The following ZHX1 variants were observed in gnomAD, a reference collection of about 807,000 sequenced individuals.
ZHX1 encodes the protein zinc fingers and homeoboxes 1, also known as zinc fingers and homeoboxes protein 1.
ZHX1 carries 20 observed loss-of-function variants against 61.8 expected under a neutral mutation model. That is an observed-to-expected ratio of 0.32 (90% CI 0.23 to 0.47). The LOEUF (loss-of-function observed/expected upper bound fraction) is 0.47. Ranked by LOEUF, ZHX1 falls within the 20% of genes least tolerant of loss-of-function variation. The probability of loss-of-function intolerance (pLI) is 1.00; values close to 1 mark genes in which losing one functional copy is unlikely to be tolerated. For missense variants in ZHX1, 800 were observed against 1,034.8 expected, an observed-to-expected ratio of 0.77 and a Z score of 3.11; for synonymous variants, 318 against 352.6, an observed-to-expected ratio of 0.90 and a Z score of 1.10.
At chr8:123,272,327 AC>A (rs1161434167) in intron 1 of ZHX1, among the ~76,000 whole-genome samples, 1 of 152,222 alleles carries the variant, frequency 6.6e-6, no homozygotes, top group African/African-American at 2.4e-5. Context: ...GAAAAGGTCC[AC>A]GATTATACAT....
At chr8:123,257,236 T>A (rs1431425098) in intron 2 of ZHX1, 1 of 152,266 alleles carries the variant, frequency 6.6e-6, no homozygotes, top group Non-Finnish European at 1.5e-5. Context: ...AACATTATTC[T>A]TAGCACTTGC....
At chr8:123,259,432 A>G (rs1477329924) in intron 2 of ZHX1, among the ~76,000 whole-genome samples, 1 of 152,008 alleles carries the variant, frequency 6.6e-6, no homozygotes, top group Non-Finnish European at 1.5e-5. Flanking sequence ...ATTTTTTGTC[A>G]TTAGAAACAG....
Position 123,254,109 on chromosome 8 carries a change from T to C in ZHX1, c.1838A>G (p.Asp613Gly), listed in dbSNP as rs1825997365. The change falls in exon 3 of 4, where the codon GAT becomes GGT. Residue 613 changes from aspartate (D) to glycine (G), a missense_variant. Coordinates refer to ENST00000395571, the MANE Select transcript of ZHX1 (RefSeq NM_007222.5). This position sits in a 1 kb window ranked among gnomAD's most constrained non-coding sequence, Gnocchi z 4.1. ...TTTCTTCTTCTCTGTAAACCAAGCATCGATTTCTCTTCTGGTAAGTTTGGT... is the reference window on the plus strand; with the variant it reads ...TTTCTTCTTCTCTGTAAACCAAGCACCGATTTCTCTTCTGGTAAGTTTGGT... The part of the protein sequence containing the change: ...AQTKLTRREI[D>G]AWFTEKKKSK... The C allele has an allele frequency of 2.5e-6, 4 of 1,614,068 alleles. No homozygotes were observed. In the South Asian group the frequency reaches 3.3e-5, roughly 13 times the overall value.
At chr8:123,260,623 A>C (rs1049859280) in intron 2 of ZHX1, among the ~76,000 whole-genome samples, 11 of 151,632 alleles carry the variant, frequency 7.3e-5, no homozygotes, top group East Asian at 3.9e-4. Context: ...AACAAAAAAA[A>C]CCCCACATAT....
At chr8:123,257,415 C>T (rs904079245) in intron 2 of ZHX1, among the ~76,000 whole-genome samples, 2 of 152,160 alleles carry the variant, frequency 1.3e-5, no homozygotes, top group African/African-American at 4.8e-5. Context: ...TTTAGGTATA[C>T]CAGAAATGGC....
rs1009714892 is a variant in ZHX1 at position 123,248,517 on chromosome 8, T to G, written c.*1807A>C. On this transcript the variant is annotated 3_prime_UTR_variant, in exon 4 of 4. Transcript: ENST00000395571. The stretch of plus-strand genomic sequence containing the variant: ...GTCACAATCAACCAGAAGAGGGTTC[T>G]TTTGCTCTGTCAAATAAATATATTT... 2.0e-5 allele frequency: 3 copies of G among 152,274 alleles called. No individual in the cohort carries two copies. Among genetic ancestry groups the G allele is most frequent in the African/African-American group, 7.2e-5 (3 of 41,556 alleles). The allele number at this position is 152,274 out of a possible 1,614,324, so 9.4% of individuals were successfully genotyped here. A position where few individuals can be genotyped will look rare whatever the true frequency, so the allele number is the denominator to read the frequency against.
In ZHX1 at chr8:123,267,329, T is replaced by TA. The variant is rs2131219903; in HGVS notation, c.-283dup. The TA allele has an allele frequency of 6.6e-7, 1 of 1,520,996 alleles. No individual in the cohort carries two copies. Among genetic ancestry groups the TA allele is most frequent in the East Asian group, 2.5e-5 (1 of 40,708 alleles). The allele number at this position is 1,520,996 out of a possible 1,614,324, so 94.2% of individuals were successfully genotyped here. A position where few individuals can be genotyped will look rare whatever the true frequency, so the allele number is the denominator to read the frequency against. ...GAAATGGAAGGGTATCCCTTCTAGT[T>TA]AGATGTTTAGCTCAGGCCATCATTA... On this transcript the variant is annotated 5_prime_UTR_variant, in exon 2 of 4. Coordinates refer to ENST00000395571, the MANE Select transcript of ZHX1 (RefSeq NM_007222.5).
At chr8:123,251,233 G>A (rs1222866851) in intron 3 of ZHX1, among the ~76,000 whole-genome samples, 5 of 151,986 alleles carry the variant, frequency 3.3e-5, no homozygotes, top group Non-Finnish European at 5.9e-5. Flanking sequence ...CTTCCCCTTC[G>A]CCTTCTGCCA....
chr8:123,259,565 T>C (rs1826183218), intron 2 of ZHX1, among the ~76,000 whole-genome samples: 2 of 152,042 alleles, frequency 1.3e-5, no homozygotes. Flanking sequence ...CTGGGCAACA[T>C]GGTAAGATAC....
rs747781614 is a variant in ZHX1 at position 123,255,346 on chromosome 8, T to G, written c.601A>C (p.Asn201His). The G allele has an allele frequency of 2.5e-6, 4 of 1,613,976 alleles. No homozygotes were observed. The highest frequency in any genetic ancestry group is 1.3e-5 in the African/African-American group (1 of 74,936). ...VENKRIAVHHNSVEDVPEEKE... is the reference protein window; with the variant it reads ...VENKRIAVHHHSVEDVPEEKE... ...TCTTCAGGAACGTCCTCAACTGAGT[T>G]ATGATGAACTGCAATCCGTTTATTT... The change falls in exon 3 of 4, where the codon AAC (asparagine) becomes CAC (histidine). Residue 201 changes from asparagine (N) to histidine (H), a missense_variant. Coordinates refer to ENST00000395571, the MANE Select transcript of ZHX1 (RefSeq NM_007222.5).
chr8:123,259,255 T>C (rs1826169175), intron 2 of ZHX1, among the ~76,000 whole-genome samples: 1 of 152,230 alleles, frequency 6.6e-6, no homozygotes, highest in East Asian at 1.9e-4. Flanking sequence ...CTCAAAGATG[T>C]CATTCTTTTT....
rs767471957 is a variant in ZHX1, at chr8:123,254,915, A to G, written c.1032T>C (p.Thr344=). Residue 344 remains threonine (T), a synonymous_variant, in exon 3 of 4, where the codon ACT becomes ACC. Coordinates refer to ENST00000395571, the MANE Select transcript of ZHX1 (RefSeq NM_007222.5). This position sits in a 1 kb window ranked among gnomAD's most constrained non-coding sequence, Gnocchi z 4.1. ...AQRLKHGVSW[T]PEEVEEARRK... is the part of the protein sequence containing the mutation. Reference sequence around the variant, plus strand: ...TTCTTGCCTCCTCTACTTCCTCGGGAGTCCAACTAACACCATGTTTTAAAC... The same window carrying G: ...TTCTTGCCTCCTCTACTTCCTCGGGGGTCCAACTAACACCATGTTTTAAAC... The G allele has an allele frequency of 2.5e-6, 4 of 1,614,078 alleles. No individual in the cohort carries two copies. The African/African-American group carries it at 5.3e-5, about 22-fold the overall frequency.
Position 123,249,322 on chromosome 8 carries a change from A to G in ZHX1, c.*1002T>C, listed in dbSNP as rs1296128138. 3.3e-5 allele frequency: 5 copies of G among 152,268 alleles called. No individual in the cohort carries two copies. The highest frequency in any genetic ancestry group is 2.6e-4 in the Admixed American group (4 of 15,300). The allele number at this position is 152,268 out of a possible 1,614,324, so 9.4% of individuals were successfully genotyped here. ...GCAAGAGTTAACAGTTAACACTCCCATGATTCATAAGTGAAAAGCTAACTT... is the reference window on the plus strand; with the variant it reads ...GCAAGAGTTAACAGTTAACACTCCCGTGATTCATAAGTGAAAAGCTAACTT... On this transcript the variant is annotated 3_prime_UTR_variant, in exon 4 of 4. Coordinates refer to ENST00000395571, the MANE Select transcript of ZHX1 (RefSeq NM_007222.5).
At chr8:123,262,868 T>TA (rs1262613669) in intron 2 of ZHX1, 6 of 149,550 alleles carry the variant, frequency 4.0e-5, no homozygotes, top group African/African-American at 1.5e-4. Context: ...GCACAAATAC[T>TA]AAAATTGGAA....
rs1586832761 is a variant in ZHX1 at position 123,267,513 on chromosome 8, A to G, written c.-339-127T>C. 3.9e-5 allele frequency: 15 copies of G among 387,658 alleles called. No homozygotes were observed. In the East Asian group the frequency reaches 5.6e-4, roughly 14 times the overall value. 24.0% of individuals were successfully genotyped at this position (387,658 alleles called of 1,614,324 possible). ...GAAAAAAAAAGTTTATTCCCTCATC[A>G]AAACTTTAAAAGAACCATTTAAATA... On this transcript the variant is annotated intron_variant, in intron 1 of 3. Coordinates refer to ENST00000395571, the MANE Select transcript of ZHX1 (RefSeq NM_007222.5).
chr8:123,258,294 T>C (rs1714608018), intron 2 of ZHX1, among the ~76,000 whole-genome samples: 1 of 152,166 alleles, frequency 6.6e-6, no homozygotes, highest in African/African-American at 2.4e-5. Flanking sequence ...GCATTCCCCA[T>C]CATCTTCTGT....
Position 123,254,667 on chromosome 8 carries a change from T to C in ZHX1, c.1280A>G (p.Gln427Arg). 6.2e-7 allele frequency: 1 copy of C among 1,614,190 alleles called. No individual in the cohort carries two copies. The highest frequency in any genetic ancestry group is 8.5e-7 in the Non-Finnish European group (1 of 1,180,036). Residue 427 changes from glutamine (Q) to arginine (R), a missense_variant, in exon 3 of 4, where the codon CAG becomes CGG. Coordinates refer to ENST00000395571, the MANE Select transcript of ZHX1 (RefSeq NM_007222.5). This position sits in a 1 kb window ranked among gnomAD's most constrained non-coding sequence, Gnocchi z 4.1. ...CTGAGCAGCAGGTACCTGACTTTTC[T>C]GTATATTATTTTGACTTGGAACGCC... is the stretch of plus-strand genomic sequence containing the variant. ...VAGVPSQNNI[Q>R]KSQVPAAQPT...
Position 123,254,931 on chromosome 8 carries a change from T to C in ZHX1, c.1016A>G (p.His339Arg), listed in dbSNP as rs1416936636. The C allele has an allele frequency of 1.2e-5, 19 of 1,614,134 alleles. No individual in the cohort carries two copies. The highest frequency in any genetic ancestry group is 2.2e-5 in the South Asian group (2 of 91,094). The change falls in exon 3 of 4, where the codon CAT (histidine) becomes CGT (arginine). Residue 339 changes from histidine (H) to arginine (R), a missense_variant. Physicochemically the swap from His to Arg is conservative, Grantham distance 29. Transcript: ENST00000395571. The surrounding 1 kb of genome is among the most constrained non-coding windows in gnomAD (Gnocchi z 4.1). ...TTCCTCGGGAGTCCAACTAACACCA[T>C]GTTTTAAACGTTGGGCTGAAAACCA... ...KIWFSAQRLKHGVSWTPEEVE... is the reference protein window; with the variant it reads ...KIWFSAQRLKRGVSWTPEEVE...
chr8:123,250,349 G>T, intron 3 of ZHX1, 29 bp from the exon 4 acceptor site: 1 of 376,110 alleles, frequency 2.7e-6, no homozygotes, highest in East Asian at 8.0e-5. Context: ...ATAAAAAACT[G>T]AAAATTTAAA....
Sources: gnomAD v4.1 joint callset for allele counts (sites outside exome capture counted in the v4.1 genomes callset) on GRCh38, gnomAD v4.1.1 for gene constraint, Gnocchi (gnomAD v3.1) non-coding constraint, MANE v1.5 for transcripts, NCBI Gene and HGNC (gene_info 2026-07-23, HGNC 2026-07-21) for gene names.